RBFOX3: variants seen among roughly 807,000 people sequenced by gnomAD.
RBFOX3 encodes RNA binding protein fox-1 homolog 3.
A neutral mutation model predicts 48.7 loss-of-function variants in RBFOX3; 17 were observed. The ratio of observed to expected loss-of-function variants is 0.35; its 90% confidence interval spans 0.24 to 0.52. RBFOX3 has a LOEUF of 0.52. Ranked by LOEUF, RBFOX3 falls within the 20% of genes least tolerant of loss-of-function variation. RBFOX3 has a pLI of 0.94. For missense variants in RBFOX3, 382 were observed against 497.5 expected (o/e 0.77, Z 2.21); for synonymous variants, 212 against 209.5 (o/e 1.01, Z -0.10).
At chr17:79,194,468 A>G (rs974634030) in intron 4 of RBFOX3, among the ~76,000 whole-genome samples, 4 of 152,050 alleles carry the variant, frequency 2.6e-5, no homozygotes, top group Admixed American at 1.3e-4. Context: ...TTAGCCAGGC[A>G]TGGTGGGCAT....
chr17:79,557,422 C>T (rs940347635), intron 1 of RBFOX3, among the ~76,000 whole-genome samples: 5 of 151,032 alleles, frequency 3.3e-5, no homozygotes, highest in Admixed American at 1.3e-4. Flanking sequence ...CCGAGAAAAC[C>T]CAAGTCCAGT....
intron 1 of RBFOX3, among the ~76,000 whole-genome samples, chr17:79,507,227 C>T (rs1309362588): frequency 6.6e-6 from 1 of 152,170 alleles, no homozygotes; most frequent in African/African-American, 2.4e-5. Context: ...CTCTGCCATC[C>T]CATCAGACAC....
At chr17:79,616,771 A>AAAACG in the RBFOX3 span, among the ~76,000 whole-genome samples, 1 of 152,202 alleles carries the variant, frequency 6.6e-6, no homozygotes, top group Non-Finnish European at 1.5e-5. Context: ...ATGTATGATC[A>AAAACG]AAACGCCCCA....
At chr17:79,223,657 G>A (rs980620679) in intron 4 of RBFOX3, among the ~76,000 whole-genome samples, 7 of 152,142 alleles carry the variant, frequency 4.6e-5, no homozygotes, top group Non-Finnish European at 1.0e-4. Context: ...TGGTCAGAAC[G>A]CCAGCAGCTA....
chr17:79,508,603 G>A (rs1339229345), intron 1 of RBFOX3, among the ~76,000 whole-genome samples: 1 of 152,144 alleles, frequency 6.6e-6, no homozygotes, highest in African/African-American at 2.4e-5. Flanking sequence ...TGGGCGCTCC[G>A]GCCCCAGGTC....
chr17:79,246,900 C>T (rs898852669), intron 3 of RBFOX3, among the ~76,000 whole-genome samples: 2 of 152,108 alleles, frequency 1.3e-5, no homozygotes, highest in South Asian at 4.1e-4. Flanking sequence ...GGAAAAGGAG[C>T]CGAGTTAATA....
intron 4 of RBFOX3, among the ~76,000 whole-genome samples, chr17:79,165,368 G>A (rs2047781721): frequency 6.6e-6 from 1 of 152,220 alleles, no homozygotes; most frequent in Non-Finnish European, 1.5e-5. Flanking sequence ...CACAAATGAA[G>A]TGCCGGCTCC....
chr17:79,530,939 C>G (rs899952396), intron 1 of RBFOX3, among the ~76,000 whole-genome samples: 1 of 152,208 alleles, frequency 6.6e-6, no homozygotes, highest in South Asian at 2.1e-4. Context: ...GTCAGAGCCA[C>G]GTGGCTGTGC....
chr17:79,110,492 C>T (rs530928359), intron 5 of RBFOX3, among the ~76,000 whole-genome samples: 1 of 152,344 alleles, frequency 6.6e-6, no homozygotes, highest in Non-Finnish European at 1.5e-5. Flanking sequence ...TGGCACGGAA[C>T]CAAGCTGTGC....
intron 1 of RBFOX3, chr17:79,597,983 A>G (rs1464567448): frequency 6.6e-6 from 1 of 152,330 alleles, no homozygotes; most frequent in Non-Finnish European, 1.5e-5. Flanking sequence ...CGCGGCAGGT[A>G]GAAGGATGGA....
Position 79,103,955 on chromosome 17 carries a change from G to T in RBFOX3, c.414+118C>A. The stretch of plus-strand genomic sequence containing the variant: ...GGAAGAGCGGGGAATACAAGCACCC[G>T]TGTCGCTCAGGGGTCCTCGGGCGCG... On this transcript the variant is annotated intron_variant, in intron 7 of 14. Coordinates refer to ENST00000693108, the MANE Select transcript of RBFOX3 (RefSeq NM_001350451.2). This position sits in a 1 kb window ranked among gnomAD's most constrained non-coding sequence, Gnocchi z 6.1. 2 of 812,556 alleles carry T rather than the reference G, an allele frequency of 2.5e-6. No individual in the cohort carries two copies. Among genetic ancestry groups the T allele is most frequent in the South Asian group, 3.1e-5 (2 of 65,008 alleles). 50.3% of individuals were successfully genotyped at this position (812,556 alleles called of 1,614,324 possible). A position where few individuals can be genotyped will look rare whatever the true frequency, so the allele number is the denominator to read the frequency against.
chr17:79,262,068 T>C (rs913675319), intron 3 of RBFOX3, among the ~76,000 whole-genome samples: 1 of 152,276 alleles, frequency 6.6e-6, no homozygotes, highest in African/African-American at 2.4e-5. Context: ...TGAGATTCTT[T>C]TGAGTTATTT....
At chr17:79,474,731 C>T (rs1275255393) in intron 2 of RBFOX3, among the ~76,000 whole-genome samples, 2 of 152,140 alleles carry the variant, frequency 1.3e-5, no homozygotes, top group African/African-American at 4.8e-5. Flanking sequence ...GGACTCTTAC[C>T]TCCACCATCA....
chr17:79,132,655 C>G (rs543226095), intron 4 of RBFOX3: 1 of 152,238 alleles, frequency 6.6e-6, no homozygotes, highest in Non-Finnish European at 1.5e-5. Context: ...CCTCAAGCCG[C>G]AGGCATCCGC....
chr17:79,141,762 G>T (rs2041962269), intron 4 of RBFOX3, among the ~76,000 whole-genome samples: 2 of 152,150 alleles, frequency 1.3e-5, no homozygotes, highest in Admixed American at 1.3e-4. Context: ...GCTGTGTGAG[G>T]ACTAAAGCTG....
Position 79,513,789 on chromosome 17 carries a change from A to G in RBFOX3, c.-319-31191T>C, listed in dbSNP as rs976790268. ...GCACTTCACACAGCCTCCTGGGGCC[A>G]GCACACAGAGCCATTTCTCCCGAGT... On this transcript the variant is annotated intron_variant, in intron 1 of 14. Coordinates refer to ENST00000693108, the MANE Select transcript of RBFOX3 (RefSeq NM_001350451.2). Among the ~76,000 whole-genome samples, 102 of 152,348 alleles carry G rather than the reference A, an allele frequency of 6.7e-4. 1 individual carries two copies. Among genetic ancestry groups the G allele is most frequent in the Middle Eastern group, 3.4e-3 (1 of 294 alleles).
intron 4 of RBFOX3, among the ~76,000 whole-genome samples, chr17:79,122,745 T>C (rs1254049754): frequency 2.0e-5 from 3 of 152,186 alleles, no homozygotes; most frequent in African/African-American, 7.2e-5. Flanking sequence ...GGAGGAGATA[T>C]CTGCATTGCT....
At chr17:79,092,109 T>G (rs2074035753) in intron 14 of RBFOX3, 1 of 985,302 alleles carries the variant, frequency 1.0e-6, no homozygotes, top group Non-Finnish European at 1.2e-6. Flanking sequence ...TGCGTCAGGG[T>G]GCTGGACACT....
intron 3 of RBFOX3, among the ~76,000 whole-genome samples, chr17:79,268,344 C>T (rs1401847352): frequency 6.6e-6 from 1 of 152,108 alleles, no homozygotes; most frequent in Non-Finnish European, 1.5e-5. Context: ...AAAAGTTCTC[C>T]CCTGGGCATG....
Sources: gnomAD v4.1 joint callset for allele counts (sites outside exome capture counted in the v4.1 genomes callset) on GRCh38, gnomAD v4.1.1 for gene constraint, Gnocchi (gnomAD v3.1) non-coding constraint, MANE v1.5 for transcripts, NCBI Gene and HGNC (gene_info 2026-07-23, HGNC 2026-07-21) for gene names.